The following PKHD1L1 variants were observed in gnomAD, a reference collection of about 807,000 sequenced individuals.
The protein encoded by PKHD1L1 is PKHD1 like 1.
In PKHD1L1, 434 loss-of-function variants were observed where a neutral mutation model predicts 462.9. That is an observed-to-expected ratio of 0.94 (90% CI 0.87 to 1.02). PKHD1L1 has a LOEUF of 1.02. PKHD1L1 is among the 50% of genes least tolerant of loss of function. The pLI, the probability that PKHD1L1 is intolerant of heterozygous loss-of-function variation, is 0.00. For missense variants in PKHD1L1, 5,202 were observed against 5,096.1 expected (o/e 1.02, Z -0.63); for synonymous variants, 1,781 against 1,750.0 (o/e 1.02, Z -0.44).
intron 57 of PKHD1L1, among the ~76,000 whole-genome samples, chr8:109,484,711 T>A (rs1818438814): frequency 6.6e-6 from 1 of 151,926 alleles, no homozygotes; most frequent in Non-Finnish European, 1.5e-5. Context: ...AAAATTCAAC[T>A]CTTAATAATA....
rs367629963 is a variant in PKHD1L1, at chr8:109,477,347, C to T, written c.9040C>T (p.His3014Tyr). The T allele has an allele frequency of 1.5e-5, 24 of 1,613,226 alleles. No individual in the cohort carries two copies. In the African/African-American group the frequency reaches 2.9e-4, roughly 20 times the overall value. Residue 3014 changes from histidine to tyrosine, a missense_variant, in exon 53 of 78, where the codon CAT (histidine) becomes TAT (tyrosine). This residue lies in a region of PKHD1L1 where 4,497 missense variants were observed against 4,336.8 expected (regional missense o/e 1.04). Coordinates refer to ENST00000378402, the MANE Select transcript of PKHD1L1 (RefSeq NM_177531.6). ...CCILQDCFPV[H>Y]PPSRKPIPKK... ...TATTCTCCAGGATTGCTTTCCTGTA[C>T]ATCCGCCATCAAGAAAACCAATTCC...
In PKHD1L1 at chr8:109,490,553, C is replaced by A. The variant is rs933048031; in HGVS notation, c.9985-419C>A. On this transcript the variant is annotated intron_variant, in intron 60 of 77. Transcript: ENST00000378402. The stretch of plus-strand genomic sequence containing the variant: ...TAAATTGAAACCCCTAACCTGTTCA[C>A]TGAATGGTTCTTAGAGACATTTGAA... Among the ~76,000 whole-genome samples, 4 of 151,652 alleles carry A rather than the reference C, an allele frequency of 2.6e-5. No homozygotes were observed. In the East Asian group the frequency reaches 7.8e-4, roughly 29 times the overall value.
At position 109,508,277 on chromosome 8, in the gene PKHD1L1, T is replaced by C; in HGVS notation, c.11395+13T>C. ...GATCTTATTAATGGTAGGTATTCAA[T>C]ATGAGTAAACTACAATTACTCAAAA... On this transcript the variant is annotated intron_variant, in intron 70 of 77. Coordinates refer to ENST00000378402, the MANE Select transcript of PKHD1L1 (RefSeq NM_177531.6). The C allele has an allele frequency of 1.3e-6, 2 of 1,589,374 alleles. No homozygotes were observed. Among genetic ancestry groups the C allele is most frequent in the Non-Finnish European group, 1.7e-6 (2 of 1,169,052 alleles).
chr8:109,493,656 A>G lies in PKHD1L1; in HGVS notation c.10237-5A>G, dbSNP rs186732746. On this transcript the variant is annotated splice_polypyrimidine_tract_variant and splice_region_variant and intron_variant, in intron 62 of 77. Coordinates refer to ENST00000378402, the MANE Select transcript of PKHD1L1 (RefSeq NM_177531.6). ...CACAGTATTTTTTTTTAATCATTGC[A>G]CTAGATAAATAGAGGGACCAATACA... The G allele has an allele frequency of 3.9e-4, 614 of 1,577,506 alleles. 5 individuals carry two copies. In the African/African-American group the frequency reaches 7.3e-3, roughly 19 times the overall value.
intron 13 of PKHD1L1, 49 bp from the exon 14 acceptor site, chr8:109,401,448 T>A (rs1014661398): frequency 1.1e-6 from 1 of 937,284 alleles, no homozygotes; most frequent in Non-Finnish European, 1.7e-6. Flanking sequence ...GTTGAAAAGG[T>A]CTATTAATAA....
chr8:109,426,999 C>T lies in PKHD1L1; in HGVS notation c.2846-3C>T. The T allele has an allele frequency of 6.8e-7, 1 of 1,473,658 alleles. No homozygotes were observed. Among genetic ancestry groups the T allele is most frequent in the Non-Finnish European group, 9.5e-7 (1 of 1,052,310 alleles). The allele number at this position is 1,473,658 out of a possible 1,614,324, so 91.3% of individuals were successfully genotyped here. ...GCTGTTTGCCACCCCTCTGTGAGTG[C>T]AGGCCTCCCCGCTGCTGTGTCAGCT... On this transcript the variant is annotated splice_polypyrimidine_tract_variant and splice_region_variant and intron_variant, in intron 24 of 77. Transcript: ENST00000378402.
chr8:109,457,432 T>C (rs1474462906), intron 46 of PKHD1L1, among the ~76,000 whole-genome samples: 2 of 152,130 alleles, frequency 1.3e-5, no homozygotes, highest in African/African-American at 2.4e-5. Context: ...ATGAAAGGGT[T>C]TAGAATAGGG....
chr8:109,474,945 A>G (rs1817900357), intron 50 of PKHD1L1, among the ~76,000 whole-genome samples, 173 bp from the exon 51 acceptor site: 1 of 152,208 alleles, frequency 6.6e-6, no homozygotes, highest in African/African-American at 2.4e-5. Flanking sequence ...GAACATAAGT[A>G]ATGAAATGCC....
intron 53 of PKHD1L1, among the ~76,000 whole-genome samples, 165 bp downstream of exon 53, chr8:109,477,561 G>A (rs73704021): frequency 0.022 from 3,356 of 152,208 alleles, 61 homozygotes; most frequent in African/African-American, 0.051. Flanking sequence ...AAAAACCTTC[G>A]TGAGAAAATG....
At chr8:109,369,891 A>C (rs1586363416) in intron 2 of PKHD1L1, among the ~76,000 whole-genome samples, 1 of 152,288 alleles carries the variant, frequency 6.6e-6, no homozygotes, top group South Asian at 2.1e-4. Flanking sequence ...CTCACATGTG[A>C]AATTGGTATT....
intron 24 of PKHD1L1, 65 bp from the exon 25 acceptor site, chr8:109,426,937 A>G (rs13264587): frequency 0.33 from 300,078 of 919,760 alleles, 51,928 homozygotes; most frequent in Admixed American, 0.5. Flanking sequence ...ACAGGCGTGA[A>G]CCACCACATC....
intron 2 of PKHD1L1, among the ~76,000 whole-genome samples, chr8:109,368,752 C>T (rs947054314): frequency 2.6e-5 from 4 of 152,122 alleles, no homozygotes; most frequent in Middle Eastern, 3.2e-3. Flanking sequence ...GCAGCCCAGG[C>T]GTTCCTTTTG....
At chr8:109,403,802 G>A (rs749126775) in intron 14 of PKHD1L1, among the ~76,000 whole-genome samples, 2 of 152,112 alleles carry the variant, frequency 1.3e-5, no homozygotes, top group African/African-American at 2.4e-5. Flanking sequence ...TATATGTTGA[G>A]TGATGTGAGA....
At chr8:109,401,428 A>G in intron 13 of PKHD1L1, 69 bp from the exon 14 acceptor site, 1 of 801,722 alleles carries the variant, frequency 1.2e-6, no homozygotes, top group East Asian at 2.7e-5. Context: ...TAAATGATAA[A>G]TAAATAAATG....
rs2130840236 is a variant in PKHD1L1, at chr8:109,466,788, T to C, written c.8605+19T>C. 6.4e-7 allele frequency: 1 copy of C among 1,573,192 alleles called. No homozygotes were observed. Among genetic ancestry groups the C allele is most frequent in the Non-Finnish European group, 8.6e-7 (1 of 1,159,768 alleles). On this transcript the variant is annotated intron_variant, in intron 50 of 77. Coordinates refer to ENST00000378402, the MANE Select transcript of PKHD1L1 (RefSeq NM_177531.6). ...TCTTTTGGTAAGTGGAATATATTAG[T>C]TTAAACAACTAATTTAAATATATCT...
chr8:109,368,509 G>C (rs1442008825), intron 2 of PKHD1L1, among the ~76,000 whole-genome samples: 2 of 152,178 alleles, frequency 1.3e-5, no homozygotes, highest in Non-Finnish European at 2.9e-5. Context: ...CTATCCATTA[G>C]AGCTATTTTT....
Position 109,438,376 on chromosome 8 carries a change from C to G in PKHD1L1, c.3680C>G (p.Thr1227Arg). 6.5e-7 allele frequency: 1 copy of G among 1,542,910 alleles called. No individual in the cohort carries two copies. The highest frequency in any genetic ancestry group is 1.2e-5 in the South Asian group (1 of 82,664). ...GTTACTACCAATGGATTTCAAGCCA[C>G]AGCAAGGGATGCTTTTAGTTATAAT... is the stretch of plus-strand genomic sequence containing the variant. ...ISVTTNGFQA[T>R]ARDAFSYNCL... The change falls in exon 31 of 78, where the codon ACA becomes AGA. Residue 1227 changes from threonine (T) to arginine (R), a missense_variant. Around this residue, in one of 3 missense-constraint regions of PKHD1L1, gnomAD observed 4,497 missense variants for 4,336.8 expected, o/e 1.04. Coordinates refer to ENST00000378402, the MANE Select transcript of PKHD1L1 (RefSeq NM_177531.6).
chr8:109,459,298 A>G (rs1025354936), intron 46 of PKHD1L1, among the ~76,000 whole-genome samples: 1 of 152,154 alleles, frequency 6.6e-6, no homozygotes, highest in Non-Finnish European at 1.5e-5. Flanking sequence ...AGAACCACTG[A>G]GTATGATCCT....
At chr8:109,423,773 A>G (rs1814596377) in intron 23 of PKHD1L1, among the ~76,000 whole-genome samples, 1 of 152,122 alleles carries the variant, frequency 6.6e-6, no homozygotes, top group Admixed American at 6.5e-5. Flanking sequence ...TGTCTCTCCA[A>G]TTATTTGTCC....
Sources: gnomAD v4.1 joint callset for allele counts (sites outside exome capture counted in the v4.1 genomes callset) on GRCh38, gnomAD v4.1.1 for gene constraint, gnomAD v4.1.1 regional missense constraint, MANE v1.5 for transcripts, NCBI Gene and HGNC (gene_info 2026-07-23, HGNC 2026-07-21) for gene names.